The following KDM3B variants were observed in gnomAD, a reference collection of about 807,000 sequenced individuals.
KDM3B encodes lysine demethylase 3B, also known as lysine-specific demethylase 3B.
Under a neutral mutation model 170.0 loss-of-function variants are expected in KDM3B, and 10 were observed. The observed-to-expected ratio is 0.06, with a 90% CI of 0.04 to 0.10. KDM3B has a LOEUF of 0.10. Among genes scored for constraint, KDM3B ranks in the 10% least tolerant of loss-of-function variants. The probability of loss-of-function intolerance (pLI) is 1.00; values close to 1 mark genes in which losing one functional copy is unlikely to be tolerated. For missense variants in KDM3B, 1,394 were observed against 2,195.2 expected (o/e 0.64, Z 7.29); for synonymous variants, 831 against 834.8 (o/e 1.00, Z 0.08).
rs976726451 is a variant in KDM3B, at chr5:138,384,365, C to T, written c.781-1657C>T. 5.9e-5 allele frequency among the ~76,000 whole-genome samples: 9 copies of T among 151,512 alleles called. No homozygotes were observed. The South Asian group carries it at 8.4e-4, about 14-fold the overall frequency. ...CTGTAATCCCAGCACTTTGGGAGGC[C>T]GAGGTGGGCAGATCACCTGAGGTCC... On this transcript the variant is annotated intron_variant, in intron 6 of 23. Coordinates refer to ENST00000314358, the MANE Select transcript of KDM3B (RefSeq NM_016604.4).
intron 11 of KDM3B, among the ~76,000 whole-genome samples, chr5:138,411,240 C>G (rs558438230): frequency 6.6e-6 from 1 of 152,336 alleles, no homozygotes; most frequent in African/African-American, 2.4e-5. Flanking sequence ...TAACAGAAGG[C>G]TCACACTCTT....
chr5:138,362,583 CACAA>C (rs551451091), intron 1 of KDM3B, among the ~76,000 whole-genome samples: 6,803 of 78,686 alleles, frequency 0.086, 180 homozygotes, highest in Non-Finnish European at 0.11. Context: ...CACACACACA[CACAA>C]AATATCTTAA....
intron 5 of KDM3B, 93 bp downstream of exon 5, chr5:138,379,801 T>G (rs190356062): frequency 1.6e-6 from 2 of 1,276,904 alleles, no homozygotes; most frequent in East Asian, 5.1e-5. Flanking sequence ...TAAGATGACT[T>G]GGGTTTCATC....
At chr5:138,392,518 G>A (rs563363151) in intron 8 of KDM3B, among the ~76,000 whole-genome samples, 5 of 152,278 alleles carry the variant, frequency 3.3e-5, no homozygotes, top group South Asian at 2.1e-4. Flanking sequence ...CTTCCTTGGC[G>A]GTCAGTTATT....
chr5:138,387,827 A>G (rs1409175363), intron 7 of KDM3B, among the ~76,000 whole-genome samples: 1 of 152,212 alleles, frequency 6.6e-6, no homozygotes, highest in East Asian at 1.9e-4. Flanking sequence ...CACACCTGTA[A>G]TCCCAGCACT....
rs1422459909 is a variant in KDM3B, at chr5:138,379,587, C to T, written c.584C>T (p.Pro195Leu). ...TACTGACTGATCTCCCTTTTAGGTCCCTACAGTGTTCAAGGTCACAGGGTC... is the reference window on the plus strand; with the variant it reads ...TACTGACTGATCTCCCTTTTAGGTCTCTACAGTGTTCAAGGTCACAGGGTC... ...QKLQEIFSRG[P>L]YSVQGHRVKI... The change falls in exon 5 of 24, where the codon CCC (proline) becomes CTC (leucine). Residue 195 changes from proline to leucine, a missense_variant. By Grantham distance (98) the Pro-to-Leu change is moderately conservative (BLOSUM62 -3). Transcript: ENST00000314358. 1 of 1,612,190 alleles carries T rather than the reference C, an allele frequency of 6.2e-7. No individual in the cohort carries two copies. Among genetic ancestry groups the T allele is most frequent in the African/African-American group, 1.3e-5 (1 of 74,902 alleles).
At position 138,425,623 on chromosome 5, in the gene KDM3B, A is replaced by G. The variant is rs759678232; in HGVS notation, c.4411+41A>G. The G allele has an allele frequency of 3.8e-6, 6 of 1,559,024 alleles. No homozygotes were observed. In the African/African-American group the frequency reaches 8.1e-5, roughly 21 times the overall value. On this transcript the variant is annotated intron_variant, in intron 17 of 23. Coordinates refer to ENST00000314358, the MANE Select transcript of KDM3B (RefSeq NM_016604.4). ...ATCTAGTTCAGTGATAGCAGACTGG[A>G]AAATAAGCATCTATACGCCCAGCTC...
intron 1 of KDM3B, among the ~76,000 whole-genome samples, chr5:138,356,590 C>A (rs1267863918): frequency 6.6e-6 from 1 of 150,874 alleles, no homozygotes; most frequent in Non-Finnish European, 1.5e-5. Flanking sequence ...GATATTAACT[C>A]CTTCACCTGC....
chr5:138,427,392 G>A lies in KDM3B; in HGVS notation c.4633+73G>A, dbSNP rs945844334. On this transcript the variant is annotated intron_variant, in intron 19 of 23. Transcript: ENST00000314358. ...ATTTCAACTATAGAAGGATATCTGT[G>A]GTCAATGTCAGGTATAGAGATGATT... 1.6e-5 allele frequency: 25 copies of A among 1,522,994 alleles called. No individual in the cohort carries two copies. In the African/African-American group the frequency reaches 3.4e-4, roughly 21 times the overall value. The allele number at this position is 1,522,994 out of a possible 1,614,324, so 94.3% of individuals were successfully genotyped here.
intron 1 of KDM3B, among the ~76,000 whole-genome samples, chr5:138,356,937 C>A (rs1761464774): frequency 6.6e-6 from 1 of 152,080 alleles, no homozygotes; most frequent in Non-Finnish European, 1.5e-5. Flanking sequence ...AGCCACCGGG[C>A]CTGGCCTCTT....
chr5:138,381,580 C>G lies in KDM3B; in HGVS notation c.770C>G (p.Pro257Arg). The change falls in exon 6 of 24, where the codon CCT (proline) becomes CGT (arginine). Residue 257 changes from proline to arginine, a missense_variant. Pro to Arg is a moderately radical substitution (Grantham distance 103). Transcript: ENST00000314358. ...GTGATGCTGATGGATAATTCAGCGC[C>G]TCAAAGCGAGGTACAGTAATGGACT... ...IHVMLMDNSA[P>R]QSEGGTLKAV... 6.3e-7 allele frequency: 1 copy of G among 1,595,480 alleles called. No individual in the cohort carries two copies. The highest frequency in any genetic ancestry group is 8.6e-7 in the Non-Finnish European group (1 of 1,162,926).
At position 138,391,638 on chromosome 5, in the gene KDM3B, A is replaced by G; in HGVS notation, c.2006A>G (p.Lys669Arg). 6.2e-7 allele frequency: 1 copy of G among 1,614,050 alleles called. No individual in the cohort carries two copies. Among genetic ancestry groups the G allele is most frequent in the Non-Finnish European group, 8.5e-7 (1 of 1,180,010 alleles). The change falls in exon 8 of 24, where the codon AAG becomes AGG. Residue 669 changes from lysine to arginine, a missense_variant. By Grantham distance (26) the Lys-to-Arg change is conservative. This residue lies in a region of KDM3B where 294 missense variants were observed against 311.7 expected (regional missense o/e 0.94). Transcript: ENST00000314358. This position sits in a 1 kb window ranked among gnomAD's most constrained non-coding sequence, Gnocchi z 5.0. ...TCTTCTGCTACCACTGTCACCTCCA[A>G]GGTGGCACCCAGCTGGCCCGAGTCT... Reference protein sequence around the residue: ...SSSSATTVTSKVAPSWPESHS... With the variant: ...SSSSATTVTSRVAPSWPESHS...
chr5:138,421,697 TAAAG>T (rs1026168290), intron 15 of KDM3B, among the ~76,000 whole-genome samples: 1 of 152,018 alleles, frequency 6.6e-6, no homozygotes, highest in Non-Finnish European at 1.5e-5. Flanking sequence ...TATTAAGAAA[TAAAG>T]AAAAATAAAA....
chr5:138,399,797 G>T (rs1762637294), intron 10 of KDM3B, 63 bp from the exon 11 acceptor site: 1 of 1,526,782 alleles, frequency 6.5e-7, no homozygotes, highest in African/African-American at 1.4e-5. Flanking sequence ...GGATCAGTGG[G>T]TCTGGGGTCT....
intron 3 of KDM3B, 23 bp from the exon 4 acceptor site, chr5:138,377,697 T>G (rs200318390): frequency 1.0e-5 from 16 of 1,538,258 alleles, no homozygotes; most frequent in Non-Finnish European, 1.4e-5. Context: ...CATTCAGTTG[T>G]TTTCTTCTTT....
chr5:138,409,289 T>C (rs1026832587), intron 11 of KDM3B, among the ~76,000 whole-genome samples: 1 of 151,826 alleles, frequency 6.6e-6, no homozygotes, highest in Non-Finnish European at 1.5e-5. Context: ...TGATCATCTA[T>C]GTAGAAATCC....
At chr5:138,397,892 G>A (rs1762586793) in intron 9 of KDM3B, 1 of 226,734 alleles carries the variant, frequency 4.4e-6, no homozygotes. Flanking sequence ...AAGTAGGTCT[G>A]TGTTTTTATC....
chr5:138,433,039 C>T (rs1457336717), intron 23 of KDM3B, among the ~76,000 whole-genome samples: 2 of 151,030 alleles, frequency 1.3e-5, no homozygotes, highest in Non-Finnish European at 1.5e-5. Flanking sequence ...CCACTGCGCC[C>T]AGCCTGAAGA....
At chr5:138,372,541 A>C in intron 1 of KDM3B, 133 bp from the exon 2 acceptor site, 1 of 759,752 alleles carries the variant, frequency 1.3e-6, no homozygotes, top group Non-Finnish European at 2.1e-6. Context: ...ATTGACACCC[A>C]TTAAAATAAC....
Sources: gnomAD v4.1 joint callset for allele counts (sites outside exome capture counted in the v4.1 genomes callset) on GRCh38, gnomAD v4.1.1 for gene constraint, gnomAD v4.1.1 regional missense constraint, Gnocchi (gnomAD v3.1) non-coding constraint, MANE v1.5 for transcripts, NCBI Gene and HGNC (gene_info 2026-07-23, HGNC 2026-07-21) for gene names.